Variants in SHISA9 observed in about 807,000 individuals in gnomAD.
The protein encoded by SHISA9 is protein shisa-9.
In SHISA9, 13 loss-of-function variants were observed where a neutral mutation model predicts 38.0. The ratio of observed to expected loss-of-function variants is 0.34; its 90% CI spans 0.22 to 0.54. SHISA9 has a LOEUF of 0.54. SHISA9 is among the 20% of genes least tolerant of loss of function. The probability of loss-of-function intolerance (pLI) is 0.91; values close to 1 mark genes in which losing one functional copy is unlikely to be tolerated. For missense variants in SHISA9, 538 were observed against 575.8 expected (o/e 0.93, Z 0.67); for synonymous variants, 275 against 242.0 (o/e 1.14, Z -1.27).
intron 2 of SHISA9, among the ~76,000 whole-genome samples, chr16:13,163,254 A>T (rs1368473621): frequency 6.6e-6 from 1 of 152,160 alleles, no homozygotes; most frequent in East Asian, 1.9e-4. Context: ...ACAAGATGAG[A>T]CCCCAATGAG....
rs144760360 is a variant in SHISA9 at position 13,014,106 on chromosome 16, G to A, written c.691+97291G>A. ...TGCACCTGCCTCATAAGAACTCAGT[G>A]AGACAGGCAAATCCTACAAGGCTAT... On this transcript the variant is annotated intron_variant, in intron 2 of 4. Transcript: ENST00000558583. Among the ~76,000 whole-genome samples, 1,452 of 152,298 alleles carry A rather than the reference G, an allele frequency of 9.5e-3. 16 individuals are homozygous for A. Among genetic ancestry groups the A allele is most frequent in the Admixed American group, 0.019 (288 of 15,300 alleles).
rs752118598 is a variant in SHISA9, at chr16:13,236,611, C to G, written c.*1202C>G. ...GACAGTCTTGTTTCCCAAGTGCAACCTGTGTTCTTTTAGCCTTCCTTCCTC... is the reference window on the plus strand; with the variant it reads ...GACAGTCTTGTTTCCCAAGTGCAACGTGTGTTCTTTTAGCCTTCCTTCCTC... On this transcript the variant is annotated 3_prime_UTR_variant, in exon 5 of 5. Coordinates refer to ENST00000558583, the MANE Select transcript of SHISA9 (RefSeq NM_001145204.3). The G allele has an allele frequency of 6.6e-6, 1 of 152,294 alleles. No individual in the cohort carries two copies. Among genetic ancestry groups the G allele is most frequent in the African/African-American group, 2.4e-5 (1 of 41,448 alleles). The allele number at this position is 152,294 out of a possible 1,614,324, so 9.4% of individuals were successfully genotyped here.
intron 2 of SHISA9, among the ~76,000 whole-genome samples, chr16:13,019,447 C>G (rs890315327): frequency 6.6e-6 from 1 of 151,862 alleles, no homozygotes; most frequent in African/African-American, 2.4e-5. Context: ...TGGGAGAGCT[C>G]TCTGGCGTCT....
chr16:13,063,375 G>GAA (rs371118821), intron 2 of SHISA9, among the ~76,000 whole-genome samples: 1 of 146,166 alleles, frequency 6.8e-6, no homozygotes, highest in African/African-American at 2.5e-5. Context: ...ACCTTAAATG[G>GAA]AAAAAAAAAA....
chr16:13,457,229 C>T, the SHISA9 span, among the ~76,000 whole-genome samples: 33 of 152,302 alleles, frequency 2.2e-4, no homozygotes, highest in African/African-American at 7.2e-4. Context: ...TCGTTTGAAC[C>T]CGGGAGGCAG....
chr16:13,040,441 C>T (rs1310189141), intron 2 of SHISA9, among the ~76,000 whole-genome samples: 1 of 152,208 alleles, frequency 6.6e-6, no homozygotes. Flanking sequence ...GCCACTTCTA[C>T]AAATGGCCTC....
In SHISA9 at chr16:13,181,144, GT is replaced by G. The variant is rs2050772893; in HGVS notation, c.692-22246del. Among the ~76,000 whole-genome samples, 3 of 150,964 alleles carry G rather than the reference GT, an allele frequency of 2.0e-5. No individual in the cohort carries two copies. In the South Asian group the frequency reaches 6.3e-4, roughly 32 times the overall value. ...CTATGATTATGGAGGAAAATAATGG[GT>G]TTTATTGTTACCATTATTTTTGTTG... On this transcript the variant is annotated intron_variant, in intron 2 of 4. Coordinates refer to ENST00000558583, the MANE Select transcript of SHISA9 (RefSeq NM_001145204.3).
At chr16:13,517,108 AT>A in the SHISA9 span, among the ~76,000 whole-genome samples, 1 of 152,218 alleles carries the variant, frequency 6.6e-6, no homozygotes, top group African/African-American at 2.4e-5. Flanking sequence ...AGTAGCTGGT[AT>A]CTTTCTAAGA....
At chr16:13,539,007 G>T in the SHISA9 span, among the ~76,000 whole-genome samples, 1 of 152,128 alleles carries the variant, frequency 6.6e-6, no homozygotes, top group East Asian at 1.9e-4. Flanking sequence ...TTGACGATTG[G>T]AAGGTGATCA....
At chr16:12,911,340 G>A (rs998446985) in intron 1 of SHISA9, 4 of 985,234 alleles carry the variant, frequency 4.1e-6, no homozygotes, top group Non-Finnish European at 4.8e-6. Context: ...GCACATAGTT[G>A]GTTCTTTCTA....
At chr16:13,052,520 C>G (rs1194848663) in intron 2 of SHISA9, among the ~76,000 whole-genome samples, 1 of 152,180 alleles carries the variant, frequency 6.6e-6, no homozygotes, top group Non-Finnish European at 1.5e-5. Flanking sequence ...ATCTCAAAAA[C>G]TAAAGGCTGC....
chr16:13,118,180 TAAAAAA>T (rs543126630), intron 2 of SHISA9, among the ~76,000 whole-genome samples: 2 of 84,050 alleles, frequency 2.4e-5, no homozygotes, highest in East Asian at 3.2e-4. Flanking sequence ...AGACTTCGTC[TAAAAAA>T]AAAAAAAAAA....
the SHISA9 span, among the ~76,000 whole-genome samples, chr16:13,516,450 A>G: frequency 6.6e-6 from 1 of 152,180 alleles, no homozygotes; most frequent in African/African-American, 2.4e-5. Context: ...AGGACCGAAG[A>G]GAGTATTTTG....
the SHISA9 span, among the ~76,000 whole-genome samples, chr16:13,349,286 A>G: frequency 1.3e-5 from 2 of 152,234 alleles, no homozygotes; most frequent in African/African-American, 4.8e-5. Context: ...GTGTTAACAC[A>G]TAGTGACTTG....
chr16:13,250,130 A>G, the SHISA9 span, among the ~76,000 whole-genome samples: 1 of 152,190 alleles, frequency 6.6e-6, no homozygotes, highest in African/African-American at 2.4e-5. Flanking sequence ...TACCCTTTCA[A>G]GTCCCTGGCT....
intron 2 of SHISA9, among the ~76,000 whole-genome samples, chr16:13,031,985 C>G (rs552082246): frequency 6.6e-6 from 1 of 152,150 alleles, no homozygotes; most frequent in East Asian, 1.9e-4. Flanking sequence ...GGTGTTGCAA[C>G]TGTCTATCCA....
intron 2 of SHISA9, among the ~76,000 whole-genome samples, chr16:13,062,270 C>T (rs930333837): frequency 6.6e-6 from 1 of 152,044 alleles, no homozygotes; most frequent in African/African-American, 2.4e-5. Flanking sequence ...TCTGGTAACC[C>T]TGGCTGTAGT....
chr16:13,443,624 TC>T, the SHISA9 span, among the ~76,000 whole-genome samples: 2 of 152,182 alleles, frequency 1.3e-5, no homozygotes, highest in African/African-American at 4.8e-5. Context: ...TTCTGCATGT[TC>T]CCAAGCCCCT....
At chr16:13,426,832 A>T in the SHISA9 span, among the ~76,000 whole-genome samples, 1 of 152,258 alleles carries the variant, frequency 6.6e-6, no homozygotes, top group South Asian at 2.1e-4. Context: ...GTAATTAAAC[A>T]CTTCTCAGCT....
Sources: allele counts gnomAD v4.1 joint callset (sites outside exome capture counted in the v4.1 genomes callset), GRCh38; gene constraint gnomAD v4.1.1; transcripts MANE v1.5; gene names NCBI Gene and HGNC (gene_info 2026-07-23, HGNC 2026-07-21).